Variants in ANKFY1 observed in about 807,000 individuals in gnomAD.
ANKFY1 encodes ankyrin repeat and FYVE domain containing 1.
Under a neutral mutation model 128.3 loss-of-function variants are expected in ANKFY1, and 47 were observed. The observed-to-expected ratio is 0.37, with a 90% CI of 0.29 to 0.47. The LOEUF is 0.47. ANKFY1 is among the 20% of genes least tolerant of loss of function. The probability of loss-of-function intolerance (pLI) is 1.00; values close to 1 mark genes in which losing one functional copy is unlikely to be tolerated. For synonymous variants in ANKFY1, 553 were observed against 601.6 expected (o/e 0.92, Z 1.18); for missense variants, 1,222 against 1,510.6 (o/e 0.81, Z 3.17).
Position 4,169,083 on chromosome 17 carries a change from T to A in ANKFY1, c.3377+115A>T, listed in dbSNP as rs962401307. On this transcript the variant is annotated intron_variant, in intron 24 of 24. Transcript: ENST00000341657. The surrounding 1 kb of genome is among the most constrained non-coding windows in gnomAD (Gnocchi z 5.0). ...ATCTCATCCCTCCATTTGGTCAAGG[T>A]TTGCCCATCAATGTGCAGGACCCAG... is the stretch of plus-strand genomic sequence containing the variant. 7 of 916,266 alleles carry A rather than the reference T, an allele frequency of 7.6e-6. No individual in the cohort carries two copies. Among genetic ancestry groups the A allele is most frequent in the Admixed American group, 2.1e-5 (1 of 46,822 alleles). The allele number at this position is 916,266 out of a possible 1,614,324, so 56.8% of individuals were successfully genotyped here.
At chr17:4,170,605 C>T (rs140320010) in intron 23 of ANKFY1, 110 bp downstream of exon 23, 68 of 1,437,490 alleles carry the variant, frequency 4.7e-5, no homozygotes, top group African/African-American at 3.3e-4. Flanking sequence ...AGGAAACGAG[C>T]GGTTCCGATC....
chr17:4,252,895 T>C (rs11078491), intron 1 of ANKFY1, among the ~76,000 whole-genome samples: 13,740 of 152,142 alleles, frequency 0.09, 1,433 homozygotes, highest in East Asian at 0.54. Flanking sequence ...GAGGTACAGA[T>C]GTATCTCAAA....
intron 2 of ANKFY1, among the ~76,000 whole-genome samples, chr17:4,236,324 C>T (rs139295616): frequency 2.0e-5 from 3 of 152,244 alleles, no homozygotes; most frequent in Non-Finnish European, 4.4e-5. Flanking sequence ...TCCACAGTAA[C>T]GCTCAAGCAA....
chr17:4,213,143 T>C (rs1438108839), intron 4 of ANKFY1, among the ~76,000 whole-genome samples: 1 of 152,166 alleles, frequency 6.6e-6, no homozygotes, highest in South Asian at 2.1e-4. Flanking sequence ...GAGTCATTTC[T>C]CTGTTTAGCA....
intron 19 of ANKFY1, among the ~76,000 whole-genome samples, chr17:4,175,433 G>A (rs1469840810): frequency 2.6e-5 from 4 of 152,134 alleles, no homozygotes; most frequent in Non-Finnish European, 4.4e-5. Flanking sequence ...TATTCGTTTA[G>A]TATTTGAAGT....
At chr17:4,211,555 G>T (rs1258494981) in intron 4 of ANKFY1, among the ~76,000 whole-genome samples, 1 of 151,856 alleles carries the variant, frequency 6.6e-6, no homozygotes, top group Admixed American at 6.6e-5. Context: ...ATAAAAACAA[G>T]ACTCTTTCAG....
rs112075292 is a variant in ANKFY1 at position 4,251,198 on chromosome 17, T to C, written c.11-8750A>G. Among the ~76,000 whole-genome samples the C allele has an allele frequency of 7.5e-3, 1,139 of 152,266 alleles. 17 individuals carry two copies. Among genetic ancestry groups the C allele is most frequent in the African/African-American group, 0.026 (1,081 of 41,526 alleles). ...GGAAAGAACAATGGGACCAGAACAA[T>C]TGGAGATCCATATGAAAACGCAAAT... On this transcript the variant is annotated intron_variant, in intron 1 of 24. Coordinates refer to ENST00000341657, the MANE Select transcript of ANKFY1 (RefSeq NM_001330063.2).
At position 4,170,878 on chromosome 17, in the gene ANKFY1, C is replaced by T. The variant is rs772589429; in HGVS notation, c.3140-17G>A. The T allele has an allele frequency of 4.6e-5, 75 of 1,614,026 alleles. 1 individual carries two copies. The Admixed American group carries it at 4.8e-4, about 10-fold the overall frequency. ...GGAGCAGCACTGGAAAACAAAAGCA[C>T]GCGCAGGGCTACTTCCCACCCGGCC... On this transcript the variant is annotated splice_polypyrimidine_tract_variant and intron_variant, in intron 22 of 24. Transcript: ENST00000341657.
chr17:4,196,682 A>G (rs888999523), intron 8 of ANKFY1, among the ~76,000 whole-genome samples: 18 of 152,254 alleles, frequency 1.2e-4, no homozygotes, highest in Admixed American at 4.6e-4. Context: ...GGTTTAATAT[A>G]GAGAATTTTC....
intron 19 of ANKFY1, 90 bp downstream of exon 19, chr17:4,177,036 C>T (rs377538372): frequency 2.9e-5 from 39 of 1,322,792 alleles, no homozygotes; most frequent in South Asian, 1.2e-4. Context: ...TTCACAACAC[C>T]GGGCAAAGCA....
chr17:4,172,860 GT>G (rs2059346132), intron 21 of ANKFY1, among the ~76,000 whole-genome samples, 180 bp from the exon 22 acceptor site: 1 of 152,164 alleles, frequency 6.6e-6, no homozygotes. Flanking sequence ...CATAACAAAA[GT>G]TTTTTTGTTT....
Position 4,222,505 on chromosome 17 carries a change from C to T in ANKFY1, c.323-5387G>A, listed in dbSNP as rs1039387671. ...CCTGCCCCAGGGCAACATTTCTGTTCAGGGAGAAGTTCTACGCACTTTATC... is the reference window on the plus strand; with the variant it reads ...CCTGCCCCAGGGCAACATTTCTGTTTAGGGAGAAGTTCTACGCACTTTATC... On this transcript the variant is annotated intron_variant, in intron 3 of 24. Coordinates refer to ENST00000341657, the MANE Select transcript of ANKFY1 (RefSeq NM_001330063.2). The T allele has an allele frequency of 4.7e-5, 44 of 935,192 alleles. No homozygotes were observed. In the Admixed American group the frequency reaches 5.4e-4, roughly 12 times the overall value. 57.9% of individuals were successfully genotyped at this position (935,192 alleles called of 1,614,324 possible). A position where few individuals can be genotyped will look rare whatever the true frequency, so the allele number is the denominator to read the frequency against.
In ANKFY1 at chr17:4,179,003, T is replaced by C. The variant is rs781576713; in HGVS notation, c.2452A>G (p.Ile818Val). The change falls in exon 18 of 25, where the codon ATC (isoleucine) becomes GTC (valine). Residue 818 changes from isoleucine (I) to valine (V), a missense_variant. Ile to Val is a conservative substitution (Grantham distance 29, BLOSUM62 3). Transcript: ENST00000341657. ...GGGTGAGAAACCAACAGCTGAATGA[T>C]GACACCGTGTTGGCTGCTGATGGCC... is the stretch of plus-strand genomic sequence containing the variant. ...HVAISSQHGV[I>V]IQLLVSHPDI... The C allele has an allele frequency of 1.1e-5, 17 of 1,614,110 alleles. No homozygotes were observed. The highest frequency in any genetic ancestry group is 4.0e-5 in the African/African-American group (3 of 74,940).
At chr17:4,186,651 G>A (rs1324615309) in intron 11 of ANKFY1, 3 of 224,756 alleles carry the variant, frequency 1.3e-5, no homozygotes, top group Non-Finnish European at 1.5e-5. Context: ...CAGGGGAACT[G>A]TAATTGCAGT....
chr17:4,179,238 C>T, intron 17 of ANKFY1, 181 bp from the exon 18 acceptor site: 1 of 683,198 alleles, frequency 1.5e-6, no homozygotes. Flanking sequence ...TCCTGTTACA[C>T]CACGTTCCAG....
At chr17:4,256,841 T>C (rs1182909672) in intron 1 of ANKFY1, among the ~76,000 whole-genome samples, 2 of 152,208 alleles carry the variant, frequency 1.3e-5, no homozygotes, top group African/African-American at 4.8e-5. Context: ...GCTAGGTTCG[T>C]CTGCCTCATG....
chr17:4,236,456 T>C (rs1045481594), intron 2 of ANKFY1, among the ~76,000 whole-genome samples: 1 of 152,232 alleles, frequency 6.6e-6, no homozygotes, highest in Non-Finnish European at 1.5e-5. Flanking sequence ...ACTCAACTAC[T>C]TATAAAAAAT....
At chr17:4,218,060 A>G (rs921533145) in intron 3 of ANKFY1, among the ~76,000 whole-genome samples, 2 of 152,254 alleles carry the variant, frequency 1.3e-5, no homozygotes, top group Non-Finnish European at 2.9e-5. Flanking sequence ...AAAATGGGCA[A>G]TGGATACAAA....
In ANKFY1 at chr17:4,190,865, G is replaced by A. The variant is rs368402340; in HGVS notation, c.1373-1386C>T. On this transcript the variant is annotated intron_variant, in intron 10 of 24. Coordinates refer to ENST00000341657, the MANE Select transcript of ANKFY1 (RefSeq NM_001330063.2). Reference sequence around the variant, plus strand: ...ATAAAGAACTGTGACAGCCGGGCACGGTGGCTCATTGCCTGTCATCCCAGC... The same window carrying A: ...ATAAAGAACTGTGACAGCCGGGCACAGTGGCTCATTGCCTGTCATCCCAGC... Among the ~76,000 whole-genome samples the A allele has an allele frequency of 4.6e-5, 7 of 152,222 alleles. No homozygotes were observed. In the East Asian group the frequency reaches 9.7e-4, roughly 21 times the overall value.
Sources: gnomAD v4.1 joint callset for allele counts (sites outside exome capture counted in the v4.1 genomes callset) on GRCh38, gnomAD v4.1.1 for gene constraint, Gnocchi (gnomAD v3.1) non-coding constraint, MANE v1.5 for transcripts, NCBI Gene and HGNC (gene_info 2026-07-23, HGNC 2026-07-21) for gene names.